Variants in ADGB observed in about 807,000 individuals in gnomAD.
ADGB encodes androglobin.
Under a neutral mutation model 210.5 loss-of-function variants are expected in ADGB, and 172 were observed. The ratio of observed to expected loss-of-function variants is 0.82; its 90% CI spans 0.72 to 0.93. ADGB has a LOEUF of 0.93. Ranked by LOEUF, ADGB falls within the 40% of genes least tolerant of loss-of-function variation. ADGB has a pLI of 0.00. For synonymous variants in ADGB, 658 were observed against 662.7 expected (o/e 0.99, Z 0.11); for missense variants, 2,025 against 1,964.8 (o/e 1.03, Z -0.58).
At chr6:146,726,342 C>T (rs950219755) in intron 19 of ADGB, 145 bp downstream of exon 19, 6 of 509,784 alleles carry the variant, frequency 1.2e-5, no homozygotes, top group South Asian at 5.8e-5. Context: ...CTTGCCTCAG[C>T]CCCCCAAGTA....
At chr6:146,626,550 A>G (rs1780974570) in intron 1 of ADGB, among the ~76,000 whole-genome samples, 1 of 151,932 alleles carries the variant, frequency 6.6e-6, no homozygotes, top group Admixed American at 6.6e-5. Context: ...GACTTTCAGT[A>G]TGACATATTT....
intron 5 of ADGB, among the ~76,000 whole-genome samples, chr6:146,658,273 A>C (rs1432819632): frequency 2.0e-5 from 3 of 152,130 alleles, no homozygotes; most frequent in Admixed American, 2.0e-4. Context: ...AGAGAAAATA[A>C]CTTTCTAAGT....
chr6:146,720,180 T>C (rs1562282772), intron 16 of ADGB, among the ~76,000 whole-genome samples: 2 of 152,254 alleles, frequency 1.3e-5, no homozygotes, highest in South Asian at 4.1e-4. Flanking sequence ...CACTGAGAAC[T>C]TGAAAGGCAA....
chr6:146,658,744 G>A (rs1188087840), intron 5 of ADGB, among the ~76,000 whole-genome samples: 4 of 152,056 alleles, frequency 2.6e-5, no homozygotes, highest in Non-Finnish European at 1.5e-5. Context: ...AAAATGTATT[G>A]AGCCCACTTT....
At chr6:146,703,284 G>T (rs1244635359) in intron 13 of ADGB, among the ~76,000 whole-genome samples, 4 of 151,658 alleles carry the variant, frequency 2.6e-5, no homozygotes, top group Non-Finnish European at 4.4e-5. Flanking sequence ...TGCATTTATA[G>T]TGTAAAACAT....
intron 2 of ADGB, among the ~76,000 whole-genome samples, chr6:146,637,819 G>C (rs1222420157): frequency 1.3e-5 from 2 of 151,934 alleles, no homozygotes; most frequent in Non-Finnish European, 2.9e-5. Flanking sequence ...ACAAAGACAA[G>C]CTGCTACCAT....
chr6:146,708,363 A>C (rs1015741169), intron 13 of ADGB, among the ~76,000 whole-genome samples: 1 of 151,960 alleles, frequency 6.6e-6, no homozygotes, highest in African/African-American at 2.4e-5. Flanking sequence ...CTTTTCTTTC[A>C]GCTTGAAGAA....
At chr6:146,786,135 A>G (rs1777869484) in intron 32 of ADGB, among the ~76,000 whole-genome samples, 1 of 136,090 alleles carries the variant, frequency 7.3e-6, no homozygotes, top group Non-Finnish European at 1.5e-5. Flanking sequence ...TTTTAAGTAT[A>G]TATTATATTA....
At chr6:146,803,041 C>T in intron 35 of ADGB, 1 of 1,578,510 alleles carries the variant, frequency 6.3e-7, no homozygotes, top group Non-Finnish European at 8.7e-7. Flanking sequence ...AGTGACTTTA[C>T]TAGAAGCAAC....
At position 146,691,442 on chromosome 6, in the gene ADGB, A is replaced by ATTAAATATAT. The variant is rs1491360806; in HGVS notation, c.1486+152_1486+153insTTAAATATAT. Among the ~76,000 whole-genome samples, 192 of 54,960 alleles carry ATTAAATATAT rather than the reference A, an allele frequency of 3.5e-3. 11 individuals carry two copies. The highest frequency in any genetic ancestry group is 3.5e-3 in the Non-Finnish European group (130 of 37,076). 36.1% of individuals were successfully genotyped at this position (54,960 alleles called of 152,430 possible). A position where few individuals can be genotyped will look rare whatever the true frequency, so the allele number is the denominator to read the frequency against. Reference sequence around the variant, plus strand: ...TATATATATATATATATATATATATAAAAATATATATATATAAAAATATAT... The same window carrying ATTAAATATAT: ...TATATATATATATATATATATATATATTAAATATATAAAATATATATATATAAAAATATAT... On this transcript the variant is annotated intron_variant, in intron 11 of 35. Coordinates refer to ENST00000397944, the MANE Select transcript of ADGB (RefSeq NM_024694.4).
intron 18 of ADGB, 149 bp downstream of exon 18, chr6:146,724,476 A>G: frequency 1.3e-6 from 1 of 761,904 alleles, no homozygotes. Context: ...TATTCTTGAG[A>G]AAAATATTTC....
At chr6:146,685,448 A>C (rs4523100) in intron 9 of ADGB, among the ~76,000 whole-genome samples, 41,384 of 151,880 alleles carry the variant, frequency 0.27, 6,290 homozygotes, top group African/African-American at 0.42. Context: ...TCTATGTTGC[A>C]CTGACGAATA....
At chr6:146,709,685 G>T (rs1337824947) in intron 13 of ADGB, among the ~76,000 whole-genome samples, 2 of 152,160 alleles carry the variant, frequency 1.3e-5, no homozygotes, top group East Asian at 3.9e-4. Context: ...GGCCTGGTAG[G>T]GATCTACTTT....
At chr6:146,676,616 T>C (rs1047651220) in intron 9 of ADGB, among the ~76,000 whole-genome samples, 175 bp downstream of exon 9, 1 of 152,186 alleles carries the variant, frequency 6.6e-6, no homozygotes, top group African/African-American at 2.4e-5. Flanking sequence ...GTCCTACCAA[T>C]GACAGAAGCC....
intron 33 of ADGB, among the ~76,000 whole-genome samples, chr6:146,791,172 CA>C (rs1349409125): frequency 1.3e-5 from 2 of 152,124 alleles, no homozygotes; most frequent in Non-Finnish European, 2.9e-5. Context: ...TTCATTTGCA[CA>C]GCAAAGGTTT....
At chr6:146,676,287 T>A in intron 8 of ADGB, 26 bp from the exon 9 acceptor site, 1 of 1,526,192 alleles carries the variant, frequency 6.6e-7, no homozygotes, top group Non-Finnish European at 8.8e-7. Context: ...AGTTAAAATA[T>A]TTATTGTGAT....
At chr6:146,790,064 CAAAT>C in intron 33 of ADGB, among the ~76,000 whole-genome samples, 1 of 152,026 alleles carries the variant, frequency 6.6e-6, no homozygotes, top group Non-Finnish European at 1.5e-5. Context: ...TTTTAATTAA[CAAAT>C]AATTATATAT....
At chr6:146,682,678 G>A (rs575541630) in intron 9 of ADGB, among the ~76,000 whole-genome samples, 1 of 152,156 alleles carries the variant, frequency 6.6e-6, no homozygotes, top group South Asian at 2.1e-4. Flanking sequence ...TATTCTAAAA[G>A]CAGTTTTATT....
intron 27 of ADGB, among the ~76,000 whole-genome samples, chr6:146,762,414 A>G (rs372756672): frequency 1.8e-3 from 273 of 152,252 alleles, no homozygotes; most frequent in African/African-American, 6.4e-3. Flanking sequence ...TTGTTCACTC[A>G]GTATGTTCAT....
Sources: allele counts gnomAD v4.1 joint callset (sites outside exome capture counted in the v4.1 genomes callset), GRCh38; gene constraint gnomAD v4.1.1; transcripts MANE v1.5; gene names NCBI Gene and HGNC (gene_info 2026-07-23, HGNC 2026-07-21).